The following PACSIN2 variants were observed in gnomAD, a reference collection of about 807,000 sequenced individuals.
The protein encoded by PACSIN2 is protein kinase C and casein kinase substrate in neurons protein 2.
Under a neutral mutation model 63.8 loss-of-function variants are expected in PACSIN2, and 25 were observed. The observed-to-expected ratio is 0.39, with a 90% CI of 0.29 to 0.55. The LOEUF (loss-of-function observed/expected upper bound fraction) is 0.55, where lower values mean the gene tolerates loss of function less well. Among genes scored for constraint, PACSIN2 ranks in the 20% least tolerant of loss-of-function variants. The probability of loss-of-function intolerance (pLI) is 0.62; values close to 1 mark genes in which losing one functional copy is unlikely to be tolerated. For missense variants in PACSIN2, 518 were observed against 646.9 expected, an observed-to-expected ratio of 0.80 and a Z score of 2.16; for synonymous variants, 255 against 256.2, an observed-to-expected ratio of 1.00 and a Z score of 0.05.
At chr22:42,969,480 G>A (rs538786085) in intron 1 of PACSIN2, among the ~76,000 whole-genome samples, 2 of 152,264 alleles carry the variant, frequency 1.3e-5, no homozygotes, top group East Asian at 3.9e-4. Context: ...TTCTTATGGA[G>A]GCCTTGGGGA....
intron 6 of PACSIN2, among the ~76,000 whole-genome samples, chr22:42,882,784 G>A (rs571407486): frequency 5.3e-4 from 81 of 152,262 alleles, no homozygotes; most frequent in African/African-American, 1.9e-3. Context: ...GCTGCCTTCC[G>A]CCTGGCAGCC....
intron 1 of PACSIN2, among the ~76,000 whole-genome samples, chr22:42,969,648 T>G (rs1443430223): frequency 6.6e-6 from 1 of 151,994 alleles, no homozygotes; most frequent in African/African-American, 2.4e-5. Flanking sequence ...ACGTAGAAAG[T>G]AGAAACTAGG....
At chr22:42,996,271 C>A (rs2899366) in intron 1 of PACSIN2, among the ~76,000 whole-genome samples, 91,926 of 150,980 alleles carry the variant, frequency 0.61, 28,548 homozygotes, top group East Asian at 0.8. Context: ...CGGTGGCTCA[C>A]GCCTGTAATC....
intron 1 of PACSIN2, among the ~76,000 whole-genome samples, chr22:43,003,542 G>T (rs1370485264): frequency 1.3e-5 from 2 of 152,242 alleles, no homozygotes; most frequent in Non-Finnish European, 2.9e-5. Context: ...GGCGGAGCTT[G>T]CAGTGAGCCG....
chr22:42,993,368 A>T (rs1019975178), intron 1 of PACSIN2, among the ~76,000 whole-genome samples: 1 of 152,220 alleles, frequency 6.6e-6, no homozygotes, highest in Non-Finnish European at 1.5e-5. Context: ...CTTCTTTGCA[A>T]TGATGGCTTA....
chr22:42,901,660 T>C (rs1316095922), intron 2 of PACSIN2, among the ~76,000 whole-genome samples: 2 of 151,914 alleles, frequency 1.3e-5, no homozygotes, highest in Admixed American at 1.3e-4. Context: ...AGCTGTGCTC[T>C]CCGCCTGCCA....
At chr22:42,899,596 A>T (rs1304773012) in intron 2 of PACSIN2, among the ~76,000 whole-genome samples, 1 of 152,222 alleles carries the variant, frequency 6.6e-6, no homozygotes, top group Non-Finnish European at 1.5e-5. Context: ...ATACTGGTGG[A>T]AACAGACTGG....
chr22:42,871,268 C>T lies in PACSIN2; in HGVS notation c.*89G>A. On this transcript the variant is annotated 3_prime_UTR_variant, in exon 11 of 11. Transcript: ENST00000263246. This position sits in a 1 kb window ranked among gnomAD's most constrained non-coding sequence, Gnocchi z 5.4. ...GCCAAGAGCAATGGAACCATCATCT[C>T]TTGCAGGAAAAGGAGTGGATGCCCA... 1 of 799,614 alleles carries T rather than the reference C, an allele frequency of 1.3e-6. No homozygotes were observed. The highest frequency in any genetic ancestry group is 2.2e-6 in the Non-Finnish European group (1 of 451,690). 49.5% of individuals were successfully genotyped at this position (799,614 alleles called of 1,614,324 possible).
chr22:42,877,084 C>T (rs753232929), intron 8 of PACSIN2, 74 bp from the exon 9 acceptor site: 45 of 1,539,266 alleles, frequency 2.9e-5, no homozygotes, highest in Non-Finnish European at 3.9e-5. Context: ...CTCCTAGCTG[C>T]AGGATCTCAA....
intron 1 of PACSIN2, among the ~76,000 whole-genome samples, chr22:42,957,437 T>C (rs1384266287): frequency 6.6e-6 from 1 of 152,220 alleles, no homozygotes; most frequent in East Asian, 1.9e-4. Context: ...AAGGTGACTT[T>C]GGACAGACAG....
In PACSIN2 at chr22:42,871,396, A is replaced by G; in HGVS notation, c.1422T>C (p.Val474=). The change falls in exon 11 of 11, where the codon GTT becomes GTC. Residue 474 remains valine, a synonymous_variant. Coordinates refer to ENST00000263246, the MANE Select transcript of PACSIN2 (RefSeq NM_001184970.3). The surrounding 1 kb of genome is among the most constrained non-coding windows in gnomAD (Gnocchi z 5.4). ...WCKGRLDNGQ[V]GLYPANYVEA... is the part of the protein sequence containing the mutation. The stretch of plus-strand genomic sequence containing the variant: ...CCACATAATTTGCCGGGTATAGGCC[A>G]ACTTGCCCGTTGTCCAAGCGTCCCT... 1 of 1,614,126 alleles carries G rather than the reference A, an allele frequency of 6.2e-7. No individual in the cohort carries two copies. The highest frequency in any genetic ancestry group is 8.5e-7 in the Non-Finnish European group (1 of 1,179,978).
intron 1 of PACSIN2, among the ~76,000 whole-genome samples, chr22:42,947,691 T>C (rs556890959): frequency 9.9e-5 from 15 of 151,502 alleles, no homozygotes; most frequent in Admixed American, 2.6e-4. Context: ...GGGGGACCTC[T>C]TAATGATCCA....
intron 1 of PACSIN2, among the ~76,000 whole-genome samples, chr22:43,014,710 G>A (rs1344300817): frequency 6.6e-6 from 1 of 151,336 alleles, no homozygotes; most frequent in African/African-American, 2.4e-5. Context: ...TCTCCAGCAG[G>A]CCCCGGACCC....
chr22:42,904,912 C>A (rs572436210), intron 2 of PACSIN2, among the ~76,000 whole-genome samples: 2 of 152,326 alleles, frequency 1.3e-5, no homozygotes, highest in East Asian at 3.9e-4. Context: ...CGTTTATCCA[C>A]AAATGTCTCC....
At chr22:42,968,670 C>T (rs1031025650) in intron 1 of PACSIN2, among the ~76,000 whole-genome samples, 4 of 152,080 alleles carry the variant, frequency 2.6e-5, no homozygotes, top group African/African-American at 9.7e-5. Context: ...GGGGAAGAGC[C>T]ACCATCAATA....
intron 2 of PACSIN2, among the ~76,000 whole-genome samples, chr22:42,901,210 G>A (rs1346129328): frequency 6.6e-6 from 1 of 152,116 alleles, no homozygotes; most frequent in Non-Finnish European, 1.5e-5. Context: ...ATCCCAAGCT[G>A]ACCTACAGAA....
At chr22:42,951,520 G>A (rs908046857) in intron 1 of PACSIN2, among the ~76,000 whole-genome samples, 2 of 152,100 alleles carry the variant, frequency 1.3e-5, no homozygotes, top group African/African-American at 4.8e-5. Context: ...GGAGGCTCAC[G>A]GGCCTCTCCG....
intron 1 of PACSIN2, among the ~76,000 whole-genome samples, chr22:42,962,470 T>A (rs1487234027): frequency 1.3e-5 from 2 of 152,080 alleles, no homozygotes; most frequent in Non-Finnish European, 2.9e-5. Flanking sequence ...CCCCTCCAAC[T>A]TGACTTCCCT....
At chr22:42,910,534 T>C (rs1048512009) in intron 2 of PACSIN2, among the ~76,000 whole-genome samples, 9 of 152,194 alleles carry the variant, frequency 5.9e-5, no homozygotes, top group Non-Finnish European at 1.2e-4. Flanking sequence ...ATTCTAGCAC[T>C]ATTCCAGGGG....
Sources: allele counts gnomAD v4.1 joint callset (sites outside exome capture counted in the v4.1 genomes callset), GRCh38; gene constraint gnomAD v4.1.1; non-coding constraint Gnocchi (gnomAD v3.1); transcripts MANE v1.5; gene names NCBI Gene and HGNC (gene_info 2026-07-23, HGNC 2026-07-21).